The following PDE1C variants were observed in gnomAD, a reference collection of about 807,000 sequenced individuals.
The protein encoded by PDE1C is dual specificity calcium/calmodulin-dependent 3',5'-cyclic nucleotide phosphodiesterase 1C.
Under a neutral mutation model 93.1 loss-of-function variants are expected in PDE1C, and 62 were observed. The observed-to-expected ratio is 0.67, with a 90% CI of 0.54 to 0.82. The LOEUF (loss-of-function observed/expected upper bound fraction) is 0.82. PDE1C is among the 40% of genes least tolerant of loss of function. The pLI is 0.00. For synonymous variants in PDE1C, 325 were observed against 310.1 expected (o/e 1.05, Z -0.50); for missense variants, 742 against 884.6 (o/e 0.84, Z 2.04).
chr7:31,970,659 T>G (rs973042954), intron 2 of PDE1C, among the ~76,000 whole-genome samples: 1 of 152,250 alleles, frequency 6.6e-6, no homozygotes. Context: ...CTTGGCTCCC[T>G]GCATTGAATT....
intron 3 of PDE1C, among the ~76,000 whole-genome samples, chr7:32,132,109 G>A (rs1799948711): frequency 6.6e-6 from 1 of 152,104 alleles, no homozygotes; most frequent in African/African-American, 2.4e-5. Flanking sequence ...AGCATATGAT[G>A]ACTTAGGTAA....
chr7:32,024,400 T>C (rs1463166267), intron 2 of PDE1C, among the ~76,000 whole-genome samples: 2 of 123,328 alleles, frequency 1.6e-5, no homozygotes, highest in African/African-American at 8.8e-5. Context: ...AATATACATA[T>C]GTGTGTGTGT....
chr7:32,128,346 G>C (rs1455248054), intron 3 of PDE1C, among the ~76,000 whole-genome samples: 1 of 151,720 alleles, frequency 6.6e-6, no homozygotes, highest in African/African-American at 2.4e-5. Context: ...GAATTGAGAA[G>C]TTTGATTTTC....
At chr7:31,895,991 T>TTACATACATACATACATACA (rs6150057) in intron 2 of PDE1C, among the ~76,000 whole-genome samples, 5,638 of 148,536 alleles carry the variant, frequency 0.038, 138 homozygotes, top group Non-Finnish European at 0.047. Flanking sequence ...ACACTCTCCC[T>TTACATACATACATACATACA]TACATACATA....
In PDE1C at chr7:31,758,503, T is replaced by A. The variant is rs144762426; in HGVS notation, c.1961-4950A>T. ...TGCCTTTATAGGGCTTCCATTCTAA[T>A]AAGATCCTTCGAAACTTTTAACTCA... On this transcript the variant is annotated intron_variant, in intron 17 of 17. Transcript: ENST00000396191. 4.3e-3 allele frequency among the ~76,000 whole-genome samples: 658 copies of A among 152,232 alleles called. 2 individuals carry two copies. The highest frequency in any genetic ancestry group is 0.015 in the African/African-American group (633 of 41,556).
the PDE1C span, among the ~76,000 whole-genome samples, chr7:31,706,016 TTTTTTTG>T: frequency 2.7e-5 from 3 of 111,562 alleles, no homozygotes; most frequent in East Asian, 6.0e-4. Flanking sequence ...TTTTTTTTTT[TTTTTTTG>T]AGAAGGAGTC....
intron 7 of PDE1C, among the ~76,000 whole-genome samples, chr7:31,854,459 C>T (rs1793745424): frequency 6.6e-6 from 1 of 152,178 alleles, no homozygotes; most frequent in Non-Finnish European, 1.5e-5. Context: ...CAGTATTTTC[C>T]TATCTACAAA....
the PDE1C span, among the ~76,000 whole-genome samples, chr7:31,709,718 C>T: frequency 6.6e-6 from 1 of 152,176 alleles, no homozygotes; most frequent in Non-Finnish European, 1.5e-5. Context: ...GAAGCCAAAC[C>T]TCCCTCACTT....
chr7:32,065,912 C>G (rs941309027), intron 1 of PDE1C, among the ~76,000 whole-genome samples: 1 of 152,202 alleles, frequency 6.6e-6, no homozygotes, highest in African/African-American at 2.4e-5. Flanking sequence ...GCTCATGTAG[C>G]TGGGACAGCT....
intron 2 of PDE1C, among the ~76,000 whole-genome samples, chr7:32,046,788 TA>T (rs1554483935): frequency 6.6e-6 from 1 of 152,164 alleles, no homozygotes; most frequent in Non-Finnish European, 1.5e-5. Context: ...AACTTCTACC[TA>T]AACTATCTAA....
intron 1 of PDE1C, among the ~76,000 whole-genome samples, chr7:32,424,456 TG>T (rs1435275353): frequency 6.6e-6 from 1 of 152,184 alleles, no homozygotes; most frequent in Non-Finnish European, 1.5e-5. Flanking sequence ...TGACCATAGC[TG>T]GAACAAGATA....
the PDE1C span, among the ~76,000 whole-genome samples, chr7:31,745,248 TG>T: frequency 6.6e-6 from 1 of 152,344 alleles, no homozygotes; most frequent in East Asian, 1.9e-4. Context: ...AGTGATTGTC[TG>T]CTGGAAGTGG....
At chr7:31,936,668 T>C (rs6957568) in intron 2 of PDE1C, among the ~76,000 whole-genome samples, 144,333 of 152,196 alleles carry the variant, frequency 0.95, 68,895 homozygotes, top group East Asian at 1. Context: ...TCTGGTTTAA[T>C]GACTCATCAC....
At chr7:31,671,893 C>G in the PDE1C span, among the ~76,000 whole-genome samples, 3 of 152,200 alleles carry the variant, frequency 2.0e-5, no homozygotes, top group Non-Finnish European at 4.4e-5. Context: ...TTCCTCCTCT[C>G]TCACCTAGCT....
intron 1 of PDE1C, among the ~76,000 whole-genome samples, chr7:32,243,059 G>A (rs1430042194): frequency 6.6e-6 from 1 of 152,172 alleles, no homozygotes; most frequent in Non-Finnish European, 1.5e-5. Context: ...TGACACAAAC[G>A]AGTTACTCCT....
At chr7:32,350,583 TA>T in intron 1 of PDE1C, among the ~76,000 whole-genome samples, 2 of 540 alleles carry the variant, frequency 3.7e-3, no homozygotes, top group African/African-American at 4.7e-3. Flanking sequence ...TATATATATA[TA>T]TATATATTTT....
At chr7:31,820,458 T>C (rs1160248171) in intron 14 of PDE1C, 4 of 152,118 alleles carry the variant, frequency 2.6e-5, no homozygotes, top group African/African-American at 7.2e-5. Context: ...TAGTTGGCAA[T>C]AGTGATTTTT....
intron 3 of PDE1C, among the ~76,000 whole-genome samples, chr7:32,118,084 G>A (rs1217183700): frequency 6.6e-6 from 1 of 152,214 alleles, no homozygotes; most frequent in African/African-American, 2.4e-5. Flanking sequence ...GATTCCCAGA[G>A]CCTGGGAAGT....
chr7:31,824,483 C>A (rs977397896), intron 13 of PDE1C, among the ~76,000 whole-genome samples: 1 of 152,054 alleles, frequency 6.6e-6, no homozygotes, highest in African/African-American at 2.4e-5. Flanking sequence ...CTACTTCATT[C>A]TTTGTGCAAA....
Sources: gnomAD v4.1 joint callset for allele counts (sites outside exome capture counted in the v4.1 genomes callset) on GRCh38, gnomAD v4.1.1 for gene constraint, MANE v1.5 for transcripts, NCBI Gene and HGNC (gene_info 2026-07-23, HGNC 2026-07-21) for gene names.